MTAP: variants seen among roughly 807,000 people sequenced by gnomAD.
The protein encoded by MTAP is methylthioadenosine phosphorylase.
MTAP carries 33 observed loss-of-function variants against 33.6 expected under a neutral mutation model. The observed-to-expected ratio is 0.98, with a 90% CI of 0.74 to 1.31. The LOEUF (loss-of-function observed/expected upper bound fraction) is 1.31. Among genes scored for constraint, MTAP ranks in the 40% most tolerant of loss-of-function variants. The pLI, the probability that MTAP is intolerant of heterozygous loss-of-function variation, is 0.00. For synonymous variants in MTAP, 148 were observed against 125.7 expected (o/e 1.18, Z -1.19); for missense variants, 367 against 360.0 (o/e 1.02, Z -0.16).
rs938393654 is a variant in MTAP at position 21,902,784 on chromosome 9, G to A, written c.148-28224G>A. Among the ~76,000 whole-genome samples, 6 of 152,130 alleles carry A rather than the reference G, an allele frequency of 3.9e-5. No individual in the cohort carries two copies. In the South Asian group the frequency reaches 8.3e-4, roughly 21 times the overall value. Reference sequence around the variant, plus strand: ...CAGAACAGAACCCAGAATGCCTGGAGGTGTGGATAGAATAGAAAATCTCTT... The same window carrying A: ...CAGAACAGAACCCAGAATGCCTGGAAGTGTGGATAGAATAGAAAATCTCTT... On this transcript the variant is annotated intron_variant, in intron 1 of 1. Transcript: ENST00000577563.
At chr9:21,890,154 G>A (rs73440457) in intron 1 of MTAP, among the ~76,000 whole-genome samples, 6,787 of 151,950 alleles carry the variant, frequency 0.045, 385 homozygotes, top group African/African-American at 0.13. Context: ...TTCTTAAGCC[G>A]ATGGAGTTAT....
chr9:21,920,212 T>C (rs544348804), intron 1 of MTAP, among the ~76,000 whole-genome samples: 1 of 152,154 alleles, frequency 6.6e-6, no homozygotes, highest in African/African-American at 2.4e-5. Flanking sequence ...AGGGAGTATA[T>C]TCTGAACATA....
Position 21,863,121 on chromosome 9 carries a change from G to A in MTAP, c.*1107G>A. On this transcript the variant is annotated 3_prime_UTR_variant, in exon 8 of 8. Coordinates refer to ENST00000644715, the MANE Select transcript of MTAP (RefSeq NM_002451.4). ...AACAGCTTTCTGAGAAAAGCTAGGT[G>A]TTTAATAGTTTAACTGAAAGTTTAA... The A allele has an allele frequency of 2.0e-6, 2 of 980,928 alleles. No homozygotes were observed. Among genetic ancestry groups the A allele is most frequent in the Non-Finnish European group, 2.4e-6 (2 of 825,868 alleles). 60.8% of individuals were successfully genotyped at this position (980,928 alleles called of 1,614,324 possible). A position where few individuals can be genotyped will look rare whatever the true frequency, so the allele number is the denominator to read the frequency against.
intron 1 of MTAP, among the ~76,000 whole-genome samples, chr9:21,814,213 G>A (rs1213332440): frequency 6.6e-6 from 1 of 152,056 alleles, no homozygotes; most frequent in African/African-American, 2.4e-5. Flanking sequence ...TTTTTTGTGT[G>A]TGTGTTTTGT....
At chr9:21,857,627 A>T (rs1416650155) in intron 6 of MTAP, among the ~76,000 whole-genome samples, 1 of 152,260 alleles carries the variant, frequency 6.6e-6, no homozygotes, top group Non-Finnish European at 1.5e-5. Context: ...ACGAGCTTCC[A>T]TGAATTCAGC....
At chr9:21,808,066 A>G (rs1260471737) in intron 1 of MTAP, among the ~76,000 whole-genome samples, 1 of 152,200 alleles carries the variant, frequency 6.6e-6, no homozygotes, top group Admixed American at 6.5e-5. Context: ...ATGCAAGTTC[A>G]TAGGCCCCAC....
At chr9:21,891,221 A>C (rs1168891859) in intron 1 of MTAP, among the ~76,000 whole-genome samples, 1 of 152,162 alleles carries the variant, frequency 6.6e-6, no homozygotes, top group African/African-American at 2.4e-5. Flanking sequence ...ATGGAAATTC[A>C]AAAAGCCAAA....
intron 5 of MTAP, among the ~76,000 whole-genome samples, chr9:21,842,760 T>A (rs1182678498): frequency 6.6e-6 from 1 of 152,154 alleles, no homozygotes; most frequent in African/African-American, 2.4e-5. Context: ...TTAAAGGAGT[T>A]CTAAATCTTG....
intron 4 of MTAP, among the ~76,000 whole-genome samples, chr9:21,833,656 G>A (rs1825028103): frequency 1.3e-5 from 2 of 152,160 alleles, no homozygotes; most frequent in Non-Finnish European, 2.9e-5. Flanking sequence ...TGCTCTGCCA[G>A]TAAATTAATT....
intron 6 of MTAP, among the ~76,000 whole-genome samples, chr9:21,857,941 G>A (rs545099652): frequency 1.3e-5 from 2 of 152,236 alleles, no homozygotes; most frequent in South Asian, 4.1e-4. Flanking sequence ...CCTCTGTATT[G>A]TCTATAAATT....
At chr9:21,859,534 T>C in intron 7 of MTAP, 109 bp downstream of exon 7, 1 of 1,310,158 alleles carries the variant, frequency 7.6e-7, no homozygotes, top group South Asian at 1.8e-5. Context: ...AGCCTAGATG[T>C]TTTCAACAAG....
intron 5 of MTAP, among the ~76,000 whole-genome samples, chr9:21,842,178 C>T (rs147364169): frequency 0.011 from 1,627 of 152,196 alleles, 26 homozygotes; most frequent in African/African-American, 0.037. Context: ...GAAGAAAGAA[C>T]TTCAGAGCTT....
At chr9:21,909,895 G>C (rs540066302) in intron 1 of MTAP, among the ~76,000 whole-genome samples, 194 of 152,224 alleles carry the variant, frequency 1.3e-3, no homozygotes, top group African/African-American at 4.5e-3. Flanking sequence ...CATAATAACA[G>C]TGGCATAACC....
downstream of MTAP, among the ~76,000 whole-genome samples, chr9:21,870,829 A>G (rs191303897): frequency 7.0e-6 from 1 of 142,488 alleles, no homozygotes; most frequent in African/African-American, 2.6e-5. Context: ...GCTGGAGTGC[A>G]GTGGCATGAT....
chr9:21,897,903 A>T (rs1183816853), intron 1 of MTAP, among the ~76,000 whole-genome samples: 1 of 152,222 alleles, frequency 6.6e-6, no homozygotes, highest in African/African-American at 2.4e-5. Context: ...TATGGAACCA[A>T]AAAAGAGCCC....
downstream of MTAP, chr9:21,940,949 A>G (rs1819128739): frequency 1.0e-6 from 1 of 977,532 alleles, no homozygotes; most frequent in Non-Finnish European, 1.2e-6. Context: ...AAAAGTTACA[A>G]CCCTCTTATA....
At chr9:21,847,521 T>C (rs960091325) in intron 5 of MTAP, among the ~76,000 whole-genome samples, 1 of 152,158 alleles carries the variant, frequency 6.6e-6, no homozygotes, top group African/African-American at 2.4e-5. Context: ...ATAAATATAT[T>C]TGAGACTCCT....
At chr9:21,888,874 T>C (rs1818154742) in intron 1 of MTAP, among the ~76,000 whole-genome samples, 1 of 152,102 alleles carries the variant, frequency 6.6e-6, no homozygotes, top group Non-Finnish European at 1.5e-5. Flanking sequence ...GGAAATAATT[T>C]TAAGAACTGT....
At chr9:21,889,784 T>A (rs1412099093) in intron 1 of MTAP, among the ~76,000 whole-genome samples, 1 of 152,154 alleles carries the variant, frequency 6.6e-6, no homozygotes, top group Admixed American at 6.5e-5. Context: ...AGCACCTGCT[T>A]CAGTGGAGGT....
Sources: gnomAD v4.1 joint callset for allele counts (sites outside exome capture counted in the v4.1 genomes callset) on GRCh38, gnomAD v4.1.1 for gene constraint, MANE v1.5 for transcripts, NCBI Gene and HGNC (gene_info 2026-07-23, HGNC 2026-07-21) for gene names.